GALNT2: variants seen among roughly 807,000 people sequenced by gnomAD.
The protein encoded by GALNT2 is polypeptide N-acetylgalactosaminyltransferase 2.
Under a neutral mutation model 81.4 loss-of-function variants are expected in GALNT2, and 31 were observed. That is an observed-to-expected ratio of 0.38 (90% CI 0.29 to 0.51). The LOEUF is 0.51. Ranked by LOEUF, GALNT2 falls within the 20% of genes least tolerant of loss-of-function variation. The pLI is 0.87. For synonymous variants in GALNT2, 303 were observed against 287.4 expected (o/e 1.05, Z -0.55); for missense variants, 629 against 765.7 (o/e 0.82, Z 2.11).
At chr1:230,254,334 A>C (rs1354296927) in intron 10 of GALNT2, among the ~76,000 whole-genome samples, 1 of 152,190 alleles carries the variant, frequency 6.6e-6, no homozygotes, top group Non-Finnish European at 1.5e-5. Context: ...GGTAGTGCCT[A>C]GACCTACACA....
intron 2 of GALNT2, among the ~76,000 whole-genome samples, chr1:230,184,191 CTTT>C (rs112931942): frequency 7.9e-5 from 11 of 139,200 alleles, no homozygotes; most frequent in Admixed American, 1.4e-4. Flanking sequence ...GAAGATCAAT[CTTT>C]TTTTTTTTTT....
intron 7 of GALNT2, among the ~76,000 whole-genome samples, chr1:230,244,266 C>G (rs1402527591): frequency 6.6e-6 from 1 of 151,954 alleles, no homozygotes; most frequent in East Asian, 1.9e-4. Context: ...TGGGGCTAGG[C>G]CTTTTTTATA....
At chr1:230,059,898 C>T (rs938579121) in intron 1 of GALNT2, among the ~76,000 whole-genome samples, 2 of 152,256 alleles carry the variant, frequency 1.3e-5, no homozygotes, top group East Asian at 3.9e-4. Context: ...TATCATATTT[C>T]CTAACATTCT....
chr1:230,150,463 C>T (rs1662058631), intron 1 of GALNT2, among the ~76,000 whole-genome samples: 1 of 152,244 alleles, frequency 6.6e-6, no homozygotes, highest in Non-Finnish European at 1.5e-5. Context: ...ACAACAACTC[C>T]TTCCACTTCC....
At chr1:230,217,206 C>T (rs886177011) in intron 3 of GALNT2, among the ~76,000 whole-genome samples, 1 of 151,758 alleles carries the variant, frequency 6.6e-6, no homozygotes, top group East Asian at 1.9e-4. Context: ...AAAAAAAAAG[C>T]GGTGGAGGTT....
chr1:230,167,270 C>A (rs1175297761), intron 1 of GALNT2, among the ~76,000 whole-genome samples: 1 of 152,088 alleles, frequency 6.6e-6, no homozygotes, highest in Admixed American at 6.5e-5. Flanking sequence ...CTCAGCCTCC[C>A]AAGTAGCTGG....
At chr1:230,249,362 G>A in intron 9 of GALNT2, 91 bp downstream of exon 9, 3 of 1,121,334 alleles carry the variant, frequency 2.7e-6, no homozygotes, top group Non-Finnish European at 3.9e-6. Context: ...GAGACCCAGT[G>A]GGGGCTGTTC....
chr1:230,123,739 T>C (rs776620774), intron 1 of GALNT2, among the ~76,000 whole-genome samples: 2 of 152,232 alleles, frequency 1.3e-5, no homozygotes, highest in Non-Finnish European at 2.9e-5. Context: ...GGTGTACTTA[T>C]GTTCTTCTCC....
At chr1:230,189,121 G>A (rs1026582341) in intron 2 of GALNT2, among the ~76,000 whole-genome samples, 2 of 152,198 alleles carry the variant, frequency 1.3e-5, no homozygotes, top group African/African-American at 4.8e-5. Context: ...TTTGGTCAAC[G>A]TGGCCTTTTG....
chr1:230,203,045 G>C, intron 2 of GALNT2, 92 bp from the exon 3 acceptor site: 1 of 1,367,888 alleles, frequency 7.3e-7, no homozygotes, highest in Non-Finnish European at 1.0e-6. Context: ...AGCCATGGAT[G>C]TGATTTCTGG....
chr1:230,280,361 G>T lies in GALNT2; in HGVS notation c.*903G>T. 1 of 222,470 alleles carries T rather than the reference G, an allele frequency of 4.5e-6. No individual in the cohort carries two copies. The highest frequency in any genetic ancestry group is 9.2e-6 in the Non-Finnish European group (1 of 108,802). 13.8% of individuals were successfully genotyped at this position (222,470 alleles called of 1,614,324 possible). ...TGCGTCAGAATCCACCTTGCGTGCT[G>T]TGCGTATCTGTGAACCTGGAGCGGT... is the stretch of plus-strand genomic sequence containing the variant. On this transcript the variant is annotated 3_prime_UTR_variant, in exon 16 of 16. Transcript: ENST00000366672.
chr1:230,275,975 A>G lies in GALNT2; in HGVS notation c.1560+1411A>G, dbSNP rs1195322587. On this transcript the variant is annotated intron_variant, in intron 15 of 15. Transcript: ENST00000366672. This position sits in a 1 kb window ranked among gnomAD's most constrained non-coding sequence, Gnocchi z 5.5. ...ATATACGTATATATACATGCCACATATATATACGTATATATACATGCCACA... is the reference window on the plus strand; with the variant it reads ...ATATACGTATATATACATGCCACATGTATATACGTATATATACATGCCACA... Among the ~76,000 whole-genome samples, 1 of 78,152 alleles carries G rather than the reference A, an allele frequency of 1.3e-5. No individual in the cohort carries two copies. The allele number at this position is 78,152 out of a possible 152,430, so 51.3% of individuals were successfully genotyped here.
At position 230,203,280 on chromosome 1, in the gene GALNT2, C is replaced by T; in HGVS notation, c.364C>T (p.Arg122Trp). ...LRMDRAIPDT[R>W]HDQCQRKQWR... ...AATGGACAGAGCCATCCCTGACACC[C>T]GGCATGACCAGTAAGTACCCCACTA... Residue 122 changes from arginine to tryptophan, a missense_variant, in exon 3 of 16, where the codon CGG becomes TGG. Physicochemically the swap from Arg to Trp is moderately radical, Grantham distance 101. Transcript: ENST00000366672. 1.2e-6 allele frequency: 2 copies of T among 1,614,048 alleles called. No homozygotes were observed. Among genetic ancestry groups the T allele is most frequent in the Non-Finnish European group, 1.7e-6 (2 of 1,179,952 alleles).
At chr1:230,217,533 G>T (rs1452825866) in intron 3 of GALNT2, among the ~76,000 whole-genome samples, 4 of 152,208 alleles carry the variant, frequency 2.6e-5, no homozygotes, top group African/African-American at 9.7e-5. Context: ...TAAGGGCATT[G>T]GCTTTGTCTC....
At chr1:230,237,439 A>C (rs1665065450) in intron 6 of GALNT2, among the ~76,000 whole-genome samples, 2 of 152,230 alleles carry the variant, frequency 1.3e-5, no homozygotes, top group Non-Finnish European at 1.5e-5. Context: ...TTTGGAACCC[A>C]TGCCACATTT....
In GALNT2 at chr1:230,257,428, C is replaced by T. The variant is rs1405050382; in HGVS notation, c.1136+2084C>T. ...CAGTAGTCCCATAAGATTATAATAC[C>T]GTGTGTTTACTCTACCTTTTCTTTG... On this transcript the variant is annotated intron_variant, in intron 11 of 15. Coordinates refer to ENST00000366672, the MANE Select transcript of GALNT2 (RefSeq NM_004481.5). This position sits in a 1 kb window ranked among gnomAD's most constrained non-coding sequence, Gnocchi z 4.6. Among the ~76,000 whole-genome samples, 3 of 152,122 alleles carry T rather than the reference C, an allele frequency of 2.0e-5. No individual in the cohort carries two copies. The highest frequency in any genetic ancestry group is 4.8e-5 in the African/African-American group (2 of 41,414).
intron 3 of GALNT2, among the ~76,000 whole-genome samples, chr1:230,230,625 T>C (rs529733386): frequency 6.6e-6 from 1 of 152,362 alleles, no homozygotes. Context: ...CCCTTAGCAC[T>C]GGATACCCAG....
At chr1:230,219,256 A>G (rs1259533485) in intron 3 of GALNT2, among the ~76,000 whole-genome samples, 1 of 152,182 alleles carries the variant, frequency 6.6e-6, no homozygotes, top group Non-Finnish European at 1.5e-5. Context: ...TTTAAGTGCA[A>G]AGGCCAAGGT....
At chr1:230,262,846 C>A in intron 12 of GALNT2, 76 bp from the exon 13 acceptor site, 1 of 1,465,746 alleles carries the variant, frequency 6.8e-7, no homozygotes, top group Non-Finnish European at 9.6e-7. Flanking sequence ...TTCTCCTCAG[C>A]AGATTTTCAA....
Sources: gnomAD v4.1 joint callset for allele counts (sites outside exome capture counted in the v4.1 genomes callset) on GRCh38, gnomAD v4.1.1 for gene constraint, Gnocchi (gnomAD v3.1) non-coding constraint, MANE v1.5 for transcripts, NCBI Gene and HGNC (gene_info 2026-07-23, HGNC 2026-07-21) for gene names.